TENM4: variants seen among roughly 807,000 people sequenced by gnomAD.
The protein encoded by TENM4 is teneurin transmembrane protein 4, also known as teneurin-4.
A neutral mutation model predicts 243.3 loss-of-function variants in TENM4; 82 were observed. The observed-to-expected ratio is 0.34, with a 90% CI of 0.28 to 0.40. The LOEUF is 0.40. Ranked by LOEUF, TENM4 falls within the 10% of genes least tolerant of loss-of-function variation. The pLI is 1.00. For missense variants in TENM4, 3,138 were observed against 3,673.3 expected (o/e 0.85, Z 3.77); for synonymous variants, 1,412 against 1,456.3 (o/e 0.97, Z 0.69).
intron 16 of TENM4, among the ~76,000 whole-genome samples, chr11:78,779,562 A>G (rs1856802451): frequency 6.6e-6 from 1 of 152,188 alleles, no homozygotes; most frequent in East Asian, 1.9e-4. Context: ...AGGCCTCTTA[A>G]TTCCCAGCAT....
rs539171389 is a variant in TENM4 at position 78,733,986 on chromosome 11, C to T, written c.2877-1409G>A. On this transcript the variant is annotated intron_variant, in intron 20 of 33. Transcript: ENST00000278550. Reference sequence around the variant, plus strand: ...GGCGGATCACCTGAGATCAGGAGTTCGAGACCAGCCTGGTCAACATGCTAA... The same window carrying T: ...GGCGGATCACCTGAGATCAGGAGTTTGAGACCAGCCTGGTCAACATGCTAA... Among the ~76,000 whole-genome samples, 111 of 152,162 alleles carry T rather than the reference C, an allele frequency of 7.3e-4. No homozygotes were observed. In the Middle Eastern group the frequency reaches 0.017, roughly 23 times the overall value.
chr11:79,398,832 AG>A (rs1858400441), intron 1 of TENM4, among the ~76,000 whole-genome samples: 1 of 150,184 alleles, frequency 6.7e-6, no homozygotes, highest in East Asian at 2.0e-4. Flanking sequence ...GCCCAAGTAG[AG>A]GCTGGTAGAG....
At chr11:78,752,659 ACCAAGTCAGGTCTGCCTC>A (rs1001338273) in intron 19 of TENM4, among the ~76,000 whole-genome samples, 1 of 152,214 alleles carries the variant, frequency 6.6e-6, no homozygotes, top group African/African-American at 2.4e-5. Flanking sequence ...ATACACAGGC[ACCAAGTCAGGTCTGCCTC>A]CCCATCAGAA....
At chr11:78,712,255 A>G (rs1859414437) in intron 26 of TENM4, among the ~76,000 whole-genome samples, 1 of 152,252 alleles carries the variant, frequency 6.6e-6, no homozygotes, top group African/African-American at 2.4e-5. Flanking sequence ...GTTTGTTTTT[A>G]GTAAACACTA....
intron 19 of TENM4, among the ~76,000 whole-genome samples, chr11:78,748,315 G>C (rs2135932464): frequency 6.6e-6 from 1 of 152,312 alleles, no homozygotes; most frequent in South Asian, 2.1e-4. Flanking sequence ...TCATAGTGTA[G>C]AGGAGGGAAG....
intron 1 of TENM4, among the ~76,000 whole-genome samples, chr11:79,367,199 T>C (rs189629888): frequency 4.3e-4 from 66 of 152,294 alleles, no homozygotes; most frequent in African/African-American, 1.5e-3. Flanking sequence ...CATGGCAAAA[T>C]TGAGAAGATG....
intron 1 of TENM4, among the ~76,000 whole-genome samples, chr11:79,311,512 T>A (rs1476154194): frequency 6.6e-6 from 1 of 152,242 alleles, no homozygotes; most frequent in African/African-American, 2.4e-5. Flanking sequence ...TCCATCGTAC[T>A]TTGTGAATCC....
intron 12 of TENM4, among the ~76,000 whole-genome samples, chr11:78,833,968 GA>G (rs1379485928): frequency 6.6e-6 from 1 of 152,172 alleles, no homozygotes; most frequent in Non-Finnish European, 1.5e-5. Context: ...TCAGGAAGAT[GA>G]GTGACTTTGA....
chr11:78,937,213 C>T (rs538301053), intron 6 of TENM4, among the ~76,000 whole-genome samples: 11 of 152,224 alleles, frequency 7.2e-5, no homozygotes, highest in African/African-American at 2.4e-4. Context: ...GATACCCACT[C>T]TCCCAGTGCA....
chr11:78,903,148 A>G lies in TENM4; in HGVS notation c.749+120T>C, dbSNP rs539986877. The G allele has an allele frequency of 8.0e-4, 1,087 of 1,355,488 alleles. 2 individuals are homozygous for G. The highest frequency in any genetic ancestry group is 9.0e-4 in the Non-Finnish European group (944 of 1,046,840). 84.0% of individuals were successfully genotyped at this position (1,355,488 alleles called of 1,614,324 possible). On this transcript the variant is annotated intron_variant, in intron 7 of 33. Transcript: ENST00000278550. ...ACCGCATCCCTAAACCGTGCACCCA[A>G]CCCCAGCTCCTCCGGCCGGCGTTAT...
intron 4 of TENM4, among the ~76,000 whole-genome samples, chr11:79,126,069 G>C (rs1861870740): frequency 6.6e-6 from 1 of 152,200 alleles, no homozygotes; most frequent in South Asian, 2.1e-4. Flanking sequence ...TGCATTTAAT[G>C]TTGCAGCTTG....
Position 78,657,773 on chromosome 11 carries a change from C to T in TENM4, c.*285G>A, listed in dbSNP as rs755581039. On this transcript the variant is annotated 3_prime_UTR_variant, in exon 34 of 34. Transcript: ENST00000278550. ...TCAGAGAGGAGATACATACCCCAAA[C>T]GACAAGGGAAAAATCCTCAAGGAAA... The T allele has an allele frequency of 3.7e-5, 19 of 518,010 alleles. No individual in the cohort carries two copies. Among genetic ancestry groups the T allele is most frequent in the Non-Finnish European group, 4.8e-5 (14 of 289,212 alleles). 32.1% of individuals were successfully genotyped at this position (518,010 alleles called of 1,614,324 possible).
rs139941641 is a variant in TENM4, at chr11:79,425,623, C to T, written c.-321+14886G>A. ...TGATGGAGCATAACAAGACTGTTGGCAGTGTTGCTGTGCTCAGCACACAGT... is the reference window on the plus strand; with the variant it reads ...TGATGGAGCATAACAAGACTGTTGGTAGTGTTGCTGTGCTCAGCACACAGT... On this transcript the variant is annotated intron_variant, in intron 1 of 33. Transcript: ENST00000278550. Among the ~76,000 whole-genome samples the T allele has an allele frequency of 6.0e-3, 909 of 152,326 alleles. 3 individuals carry two copies. Among genetic ancestry groups the T allele is most frequent in the Non-Finnish European group, 9.2e-3 (629 of 68,036 alleles).
Position 78,738,568 on chromosome 11 carries a change from T to C in TENM4, c.2759A>G (p.His920Arg), listed in dbSNP as rs554290319. The stretch of plus-strand genomic sequence containing the variant: ...CACTTGGCCACGAATAACACAAGCA[T>C]GCCTGTGGGAAGAGAAGAGAGAATA... ...IPGENPFDGG[H>R]ACVIRGQVMT... is the part of the protein sequence containing the mutation. Residue 920 changes from histidine (H) to arginine (R), a missense_variant and splice_region_variant, in exon 20 of 34, where the codon CAT becomes CGT. His to Arg is a conservative substitution (Grantham distance 29, BLOSUM62 0). Coordinates refer to ENST00000278550, the MANE Select transcript of TENM4 (RefSeq NM_001098816.3). 2.5e-6 allele frequency: 4 copies of C among 1,613,424 alleles called. No individual in the cohort carries two copies. Among genetic ancestry groups the C allele is most frequent in the East Asian group, 2.2e-5 (1 of 44,888 alleles).
At chr11:79,112,662 A>G (rs1465797757) in intron 4 of TENM4, among the ~76,000 whole-genome samples, 1 of 152,114 alleles carries the variant, frequency 6.6e-6, no homozygotes, top group Admixed American at 6.5e-5. Flanking sequence ...GCACGAACAC[A>G]CCCATACACT....
rs958921501 is a variant in TENM4 at position 79,235,707 on chromosome 11, G to A, written c.-264-19798C>T. 2.6e-5 allele frequency among the ~76,000 whole-genome samples: 4 copies of A among 152,214 alleles called. No homozygotes were observed. In the East Asian group the frequency reaches 7.8e-4, roughly 29 times the overall value. ...TATGACTATAAATAGTTATACAAGT[G>A]CATAAATGTATTTTGAGCTCTTCAG... On this transcript the variant is annotated intron_variant, in intron 2 of 33. Coordinates refer to ENST00000278550, the MANE Select transcript of TENM4 (RefSeq NM_001098816.3).
At chr11:78,788,471 TG>T (rs1200156992) in intron 15 of TENM4, among the ~76,000 whole-genome samples, 39 of 152,256 alleles carry the variant, frequency 2.6e-4, no homozygotes, top group Non-Finnish European at 7.3e-5. Flanking sequence ...GCTTCTGAGC[TG>T]TGTGACCTGG....
intron 1 of TENM4, among the ~76,000 whole-genome samples, chr11:79,384,086 C>T (rs866401522): frequency 1.4e-4 from 22 of 152,274 alleles, no homozygotes; most frequent in Middle Eastern, 3.4e-3. Flanking sequence ...GACAGGCACA[C>T]ATGCCAGCCT....
At chr11:79,228,805 G>C (rs1381457464) in intron 2 of TENM4, among the ~76,000 whole-genome samples, 2 of 152,074 alleles carry the variant, frequency 1.3e-5, no homozygotes, top group East Asian at 3.9e-4. Flanking sequence ...CTAACACCTA[G>C]TTTTCCCCAT....
Sources: gnomAD v4.1 joint callset for allele counts (sites outside exome capture counted in the v4.1 genomes callset) on GRCh38, gnomAD v4.1.1 for gene constraint, MANE v1.5 for transcripts, NCBI Gene and HGNC (gene_info 2026-07-23, HGNC 2026-07-21) for gene names.